Variants in R3HDM1 observed in about 807,000 individuals in gnomAD.
R3HDM1 encodes R3H domain-containing protein 1.
In R3HDM1, 46 loss-of-function variants were observed where a neutral mutation model predicts 141.1. The observed-to-expected ratio is 0.33, with a 90% CI of 0.26 to 0.42. The LOEUF (loss-of-function observed/expected upper bound fraction) is 0.42. R3HDM1 is among the 10% of genes least tolerant of loss of function. The pLI is 1.00. For missense variants in R3HDM1, 1,184 were observed against 1,368.3 expected (o/e 0.87, Z 2.12); for synonymous variants, 435 against 472.9 (o/e 0.92, Z 1.04).
intron 6 of R3HDM1, 129 bp from the exon 7 acceptor site, chr2:135,622,525 T>G: frequency 7.4e-7 from 1 of 1,344,184 alleles, no homozygotes; most frequent in Non-Finnish European, 9.6e-7. Flanking sequence ...TAACTTTTCC[T>G]ACTTTGTCGA....
At chr2:135,636,442 G>T (rs748575452) in intron 11 of R3HDM1, among the ~76,000 whole-genome samples, 8 of 152,144 alleles carry the variant, frequency 5.3e-5, no homozygotes, top group South Asian at 4.1e-4. Flanking sequence ...ATGTTCTCCA[G>T]TCTATATAGT....
At position 135,651,896 on chromosome 2, in the gene R3HDM1, C is replaced by T. The variant is rs1574713883; in HGVS notation, c.1892C>T (p.Pro631Leu). 6.2e-7 allele frequency: 1 copy of T among 1,613,880 alleles called. No individual in the cohort carries two copies. The highest frequency in any genetic ancestry group is 8.5e-7 in the Non-Finnish European group (1 of 1,179,868). Residue 631 changes from proline (P) to leucine (L), a missense_variant, in exon 18 of 27, where the codon CCG (proline) becomes CTG (leucine). Transcript: ENST00000683871. ...TAAPPPHPPP[P>L]PPPPPPPPPL... is the part of the protein sequence containing the mutation. The stretch of plus-strand genomic sequence containing the variant: ...GCCCCTCCACCACATCCTCCTCCAC[C>T]GCCACCACCACCACCTCCTCCTCCT...
At chr2:135,702,995 G>C (rs951121485) in intron 21 of R3HDM1, among the ~76,000 whole-genome samples, 1 of 152,148 alleles carries the variant, frequency 6.6e-6, no homozygotes, top group Admixed American at 6.5e-5. Flanking sequence ...GCTGCTTGAT[G>C]ATGGCTGGTT....
At chr2:135,542,027 T>C (rs1697702274) in intron 1 of R3HDM1, among the ~76,000 whole-genome samples, 1 of 152,176 alleles carries the variant, frequency 6.6e-6, no homozygotes, top group Non-Finnish European at 1.5e-5. Context: ...AGGAAATTTA[T>C]TTGTTTCATG....
At chr2:135,634,935 G>A (rs953127358) in intron 9 of R3HDM1, among the ~76,000 whole-genome samples, 6 of 152,140 alleles carry the variant, frequency 3.9e-5, no homozygotes, top group African/African-American at 1.4e-4. Flanking sequence ...TGTATTTTGG[G>A]AGGTGAAATT....
Position 135,715,612 on chromosome 2 carries a change from G to C in R3HDM1, c.2799G>C (p.Leu933=). The C allele has an allele frequency of 6.2e-7, 1 of 1,613,998 alleles. No homozygotes were observed. Among genetic ancestry groups the C allele is most frequent in the Non-Finnish European group, 8.5e-7 (1 of 1,179,932 alleles). The change falls in exon 24 of 27, where the codon CTG becomes CTC. Residue 933 remains leucine, a synonymous_variant. Transcript: ENST00000683871. ...CTCAGTCGCCAGCACCAGCTCAGCT[G>C]TCCACCCTGAAAACTGTACGTCCCT... is the stretch of plus-strand genomic sequence containing the variant. ...SPAQSPAPAQ[L]STLKTVRPSG... is the part of the protein sequence containing the mutation.
intron 21 of R3HDM1, among the ~76,000 whole-genome samples, chr2:135,701,657 A>G (rs7592050): frequency 0.2 from 31,075 of 152,160 alleles, 3,724 homozygotes; most frequent in East Asian, 0.44. Flanking sequence ...AAGAGTGTCC[A>G]TGACTAACAG....
intron 1 of R3HDM1, among the ~76,000 whole-genome samples, chr2:135,532,225 G>A (rs1695016506): frequency 1.3e-5 from 2 of 152,238 alleles, no homozygotes; most frequent in African/African-American, 4.8e-5. Flanking sequence ...TGTGGTACCA[G>A]AAAAAGCACA....
chr2:135,570,092 G>T (rs550143787), intron 1 of R3HDM1, among the ~76,000 whole-genome samples: 9 of 152,096 alleles, frequency 5.9e-5, no homozygotes, highest in African/African-American at 2.2e-4. Flanking sequence ...TAGAAAAATC[G>T]ATTTCCTCAG....
intron 1 of R3HDM1, chr2:135,586,994 C>T (rs1216967610): frequency 1.2e-5 from 12 of 984,556 alleles, no homozygotes; most frequent in Admixed American, 1.2e-4. Context: ...CTCATGGTAA[C>T]GGTTTTCTAC....
At position 135,535,267 on chromosome 2, in the gene R3HDM1, G is replaced by A. The variant is rs183911571; in HGVS notation, c.-250+3634G>A. 2.4e-4 allele frequency among the ~76,000 whole-genome samples: 37 copies of A among 152,208 alleles called. No homozygotes were observed. In the East Asian group the frequency reaches 6.4e-3, roughly 26 times the overall value. ...TGTAATCCCAGCACTTTCGGAGACCGAGGCAGGCAGATCACAAGGTCAGCA... is the reference window on the plus strand; with the variant it reads ...TGTAATCCCAGCACTTTCGGAGACCAAGGCAGGCAGATCACAAGGTCAGCA... On this transcript the variant is annotated intron_variant, in intron 1 of 26. Transcript: ENST00000683871.
rs143028630 is a variant in R3HDM1 at position 135,716,778 on chromosome 2, C to T, written c.2881+1084C>T. On this transcript the variant is annotated intron_variant, in intron 24 of 26. Coordinates refer to ENST00000683871, the MANE Select transcript of R3HDM1 (RefSeq NM_001378107.1). ...ACCAGCCTGGCCAAGACAGTGAAACCCTGTCTCTACTAAAACTACAAAAAC... is the reference window on the plus strand; with the variant it reads ...ACCAGCCTGGCCAAGACAGTGAAACTCTGTCTCTACTAAAACTACAAAAAC... Among the ~76,000 whole-genome samples, 658 of 152,072 alleles carry T rather than the reference C, an allele frequency of 4.3e-3. 8 individuals are homozygous for T. The highest frequency in any genetic ancestry group is 0.015 in the African/African-American group (622 of 41,474).
chr2:135,693,325 G>C (rs1348182150), intron 21 of R3HDM1, among the ~76,000 whole-genome samples: 1 of 151,952 alleles, frequency 6.6e-6, no homozygotes, highest in African/African-American at 2.4e-5. Flanking sequence ...ATAGGCCATA[G>C]TTTGCCAACT....
intron 18 of R3HDM1, chr2:135,656,725 T>G (rs778277161): frequency 6.6e-6 from 1 of 152,220 alleles, no homozygotes; most frequent in Non-Finnish European, 1.5e-5. Context: ...CTCCGTCCTT[T>G]TGCTGTTGTT....
At chr2:135,697,399 A>G (rs2073416824) in intron 21 of R3HDM1, among the ~76,000 whole-genome samples, 1 of 152,232 alleles carries the variant, frequency 6.6e-6, no homozygotes, top group African/African-American at 2.4e-5. Context: ...TCTTGCAGAA[A>G]AAGTTTACCA....
At chr2:135,623,771 T>C (rs1339044893) in intron 7 of R3HDM1, among the ~76,000 whole-genome samples, 1 of 152,174 alleles carries the variant, frequency 6.6e-6, no homozygotes, top group Non-Finnish European at 1.5e-5. Context: ...TGAAAAGGTA[T>C]TACATAGAAG....
At chr2:135,681,944 A>G (rs993387474) in intron 21 of R3HDM1, among the ~76,000 whole-genome samples, 27 of 152,076 alleles carry the variant, frequency 1.8e-4, no homozygotes, top group African/African-American at 5.3e-4. Context: ...CAAAACTGCT[A>G]CAAAATGAAA....
intron 21 of R3HDM1, among the ~76,000 whole-genome samples, chr2:135,681,309 A>C (rs545739063): frequency 4.1e-4 from 63 of 152,336 alleles, no homozygotes; most frequent in African/African-American, 1.3e-3. Flanking sequence ...AAAATATTTT[A>C]TTCACAAGGC....
At chr2:135,659,945 C>T (rs563064891) in intron 18 of R3HDM1, among the ~76,000 whole-genome samples, 2 of 152,248 alleles carry the variant, frequency 1.3e-5, no homozygotes, top group East Asian at 1.9e-4. Flanking sequence ...CCTTTATAAT[C>T]TTAGGGGGCC....
Sources: gnomAD v4.1 joint callset for allele counts (sites outside exome capture counted in the v4.1 genomes callset) on GRCh38, gnomAD v4.1.1 for gene constraint, MANE v1.5 for transcripts, NCBI Gene and HGNC (gene_info 2026-07-23, HGNC 2026-07-21) for gene names.